The following NT5M variants were observed in gnomAD, a reference collection of about 807,000 sequenced individuals.
The protein encoded by NT5M is 5'(3')-deoxyribonucleotidase, mitochondrial.
NT5M carries 22 observed loss-of-function variants against 22.2 expected under a neutral mutation model. The observed-to-expected ratio is 0.99, with a 90% CI of 0.71 to 1.41. The LOEUF is 1.41. NT5M is among the 40% of genes most tolerant of loss of function. The pLI is 0.00. For missense variants in NT5M, 322 were observed against 314.8 expected (o/e 1.02, Z -0.17); for synonymous variants, 167 against 133.0 (o/e 1.26, Z -1.76).
chr17:17,346,887 C>T lies in NT5M; in HGVS notation c.627C>T (p.Arg209=), dbSNP rs1162690304. The part of the protein sequence containing the change: ...NQHLQLQPPR[R]RLHSWADDWK... ...ACCTGCAGCTGCAGCCCCCCCGCCG[C>T]AGGCTGCACTCGTGGGCGGACGACT... The change falls in exon 5 of 5, where the codon CGC becomes CGT. Residue 209 remains arginine (R), a synonymous_variant. Transcript: ENST00000389022. The T allele has an allele frequency of 6.2e-6, 10 of 1,610,656 alleles. No homozygotes were observed. The Admixed American group carries it at 1.2e-4, about 19-fold the overall frequency.
In NT5M at chr17:17,303,453, G is replaced by T. The variant is rs530925560; in HGVS notation, c.-98G>T. On this transcript the variant is annotated 5_prime_UTR_variant, in exon 1 of 5. Transcript: ENST00000389022. Reference sequence around the variant, plus strand: ...TCCCGCGCTCCACGCGCGCCCCAGCGTTGGGGGCTTCTCCTCCGCGGCGGG... The same window carrying T: ...TCCCGCGCTCCACGCGCGCCCCAGCTTTGGGGGCTTCTCCTCCGCGGCGGG... The T allele has an allele frequency of 1.3e-4, 126 of 1,000,312 alleles. 1 individual carries two copies. In the Middle Eastern group the frequency reaches 4.6e-3, roughly 36 times the overall value. The allele number at this position is 1,000,312 out of a possible 1,614,324, so 62.0% of individuals were successfully genotyped here. A position where few individuals can be genotyped will look rare whatever the true frequency, so the allele number is the denominator to read the frequency against.
At chr17:17,342,037 GAAAA>G (rs77325414) in intron 3 of NT5M, among the ~76,000 whole-genome samples, 1 of 140,368 alleles carries the variant, frequency 7.1e-6, no homozygotes, top group Admixed American at 7.0e-5. Flanking sequence ...TCAAAAAAAA[GAAAA>G]AAAAAAATTA....
At chr17:17,329,124 C>T (rs777699188) in intron 3 of NT5M, among the ~76,000 whole-genome samples, 3 of 152,122 alleles carry the variant, frequency 2.0e-5, no homozygotes, top group Non-Finnish European at 4.4e-5. Context: ...ACTACAGGTG[C>T]CTGCTACCAC....
chr17:17,312,596 A>G (rs2048942193), intron 2 of NT5M, among the ~76,000 whole-genome samples: 1 of 143,700 alleles, frequency 7.0e-6, no homozygotes, highest in African/African-American at 2.6e-5. Flanking sequence ...GTGAGCCAAG[A>G]TTGCGCCATT....
In NT5M at chr17:17,344,877, CCTT is replaced by C; in HGVS notation, c.516_518del (p.Leu173del). ...GAGACAAGACCGTGGTCTCTGCTGACCTTCTCATAGACGACCGGCCGGACATCA... is the reference window on the plus strand; with the variant it reads ...GAGACAAGACCGTGGTCTCTGCTGACCTCATAGACGACCGGCCGGACATCA... On this transcript the variant is annotated inframe_deletion, in exon 4 of 5. Coordinates refer to ENST00000389022, the MANE Select transcript of NT5M (RefSeq NM_020201.4). The C allele has an allele frequency of 6.2e-7, 1 of 1,614,208 alleles. No homozygotes were observed. Among genetic ancestry groups the C allele is most frequent in the African/African-American group, 1.3e-5 (1 of 75,068 alleles).
intron 2 of NT5M, among the ~76,000 whole-genome samples, chr17:17,313,300 A>G (rs532326579): frequency 6.6e-6 from 1 of 152,244 alleles, no homozygotes; most frequent in East Asian, 1.9e-4. Flanking sequence ...CCAAAAACCA[A>G]AAAAGGTATT....
At chr17:17,339,298 G>C (rs1158429799) in intron 3 of NT5M, among the ~76,000 whole-genome samples, 2 of 151,584 alleles carry the variant, frequency 1.3e-5, no homozygotes, top group Non-Finnish European at 2.9e-5. Context: ...TTTTTTTCAG[G>C]ATTGTTCCTG....
intron 3 of NT5M, among the ~76,000 whole-genome samples, chr17:17,335,069 A>G (rs11867932): frequency 0.11 from 16,721 of 151,240 alleles, 921 homozygotes; most frequent in Admixed American, 0.13. Context: ...TCTTGCACAT[A>G]TTGTGTTAAA....
intron 3 of NT5M, among the ~76,000 whole-genome samples, chr17:17,333,306 C>CT (rs1055636140): frequency 1.3e-5 from 2 of 151,750 alleles, no homozygotes; most frequent in Admixed American, 1.3e-4. Context: ...TTTTCTTTTT[C>CT]TTTTTTTTCT....
At chr17:17,320,972 G>A (rs150560914) in intron 2 of NT5M, among the ~76,000 whole-genome samples, 55 of 152,280 alleles carry the variant, frequency 3.6e-4, no homozygotes, top group Middle Eastern at 6.8e-3. Context: ...GCCCAGTCTA[G>A]AGTGGATTGA....
intron 2 of NT5M, among the ~76,000 whole-genome samples, chr17:17,320,134 G>T (rs1478826640): frequency 6.6e-6 from 1 of 152,210 alleles, no homozygotes; most frequent in Non-Finnish European, 1.5e-5. Context: ...GAGCCACCAC[G>T]CCCAGCCTCC....
chr17:17,303,964 AC>A (rs1190986236), intron 1 of NT5M, 147 bp downstream of exon 1: 9 of 1,253,956 alleles, frequency 7.2e-6, no homozygotes, highest in Non-Finnish European at 9.0e-6. Flanking sequence ...ACTAGGGGCC[AC>A]AGCGCACCGG....
At chr17:17,313,415 T>A (rs984599913) in intron 2 of NT5M, among the ~76,000 whole-genome samples, 1 of 152,258 alleles carries the variant, frequency 6.6e-6, no homozygotes, top group African/African-American at 2.4e-5. Flanking sequence ...TATCTCCATT[T>A]GGCTCTTAAA....
intron 2 of NT5M, among the ~76,000 whole-genome samples, chr17:17,319,799 G>A (rs1230208662): frequency 6.6e-6 from 1 of 152,138 alleles, no homozygotes; most frequent in African/African-American, 2.4e-5. Flanking sequence ...CTTGATTGTG[G>A]TGATCTGGGT....
chr17:17,315,561 C>T (rs960542957), intron 2 of NT5M, among the ~76,000 whole-genome samples: 4 of 151,950 alleles, frequency 2.6e-5, no homozygotes, highest in Admixed American at 6.6e-5. Context: ...AGTGAAGAGT[C>T]GGGACAGGCC....
chr17:17,326,015 C>G (rs1375881506), intron 3 of NT5M, among the ~76,000 whole-genome samples: 2 of 152,316 alleles, frequency 1.3e-5, no homozygotes, highest in African/African-American at 4.8e-5. Context: ...TGCCCACTGT[C>G]AAGCCCAGCA....
intron 3 of NT5M, among the ~76,000 whole-genome samples, chr17:17,342,827 T>C (rs142204376): frequency 1.3e-5 from 2 of 152,322 alleles, no homozygotes; most frequent in East Asian, 1.9e-4. Context: ...TGGCTATCGT[T>C]GTCTGTGGCC....
At chr17:17,322,876 C>T (rs1281825694) in intron 2 of NT5M, among the ~76,000 whole-genome samples, 2 of 152,200 alleles carry the variant, frequency 1.3e-5, no homozygotes, top group African/African-American at 4.8e-5. Context: ...GGCCAGGGGA[C>T]TTGCATGCCA....
chr17:17,346,954 CTG>C lies in NT5M; in HGVS notation c.*10_*11del, dbSNP rs1156780579. ...CAGCAAGCGGCCCTGCTGAGCTGGA[CTG>C]TGCTTCGGGCTCCTCTGTGGGGCTC... On this transcript the variant is annotated 3_prime_UTR_variant, in exon 5 of 5. Transcript: ENST00000389022. 1 of 1,610,580 alleles carries C rather than the reference CTG, an allele frequency of 6.2e-7. No homozygotes were observed. The highest frequency in any genetic ancestry group is 8.5e-7 in the Non-Finnish European group (1 of 1,179,832).
Sources: allele counts gnomAD v4.1 joint callset (sites outside exome capture counted in the v4.1 genomes callset), GRCh38; gene constraint gnomAD v4.1.1; transcripts MANE v1.5; gene names NCBI Gene and HGNC (gene_info 2026-07-23, HGNC 2026-07-21).